The following CRISPLD2 variants were observed in gnomAD, a reference collection of about 807,000 sequenced individuals.
CRISPLD2 encodes cysteine rich secretory protein LCCL domain containing 2.
CRISPLD2 carries 47 observed loss-of-function variants against 71.1 expected under a neutral mutation model. The observed-to-expected ratio is 0.66, with a 90% confidence interval of 0.52 to 0.84. CRISPLD2 has a LOEUF of 0.84. Among genes scored for constraint, CRISPLD2 ranks in the 40% least tolerant of loss-of-function variants. CRISPLD2 has a pLI of 0.00. For synonymous variants in CRISPLD2, 317 were observed against 250.1 expected (o/e 1.27, Z -2.52); for missense variants, 830 against 651.1 (o/e 1.27, Z -2.99).
chr16:84,880,672 T>G (rs780223721), intron 13 of CRISPLD2, 88 bp downstream of exon 13: 2 of 870,124 alleles, frequency 2.3e-6, no homozygotes, highest in South Asian at 3.0e-5. Flanking sequence ...ACTTGAAACT[T>G]TATTCCAGTG....
intron 13 of CRISPLD2, among the ~76,000 whole-genome samples, chr16:84,882,465 C>T (rs1463179884): frequency 6.6e-6 from 1 of 151,584 alleles, no homozygotes; most frequent in African/African-American, 2.4e-5. Flanking sequence ...GGCTGGAGTG[C>T]AATTGCACGA....
intron 11 of CRISPLD2, among the ~76,000 whole-genome samples, chr16:84,877,145 C>G (rs564245729): frequency 2.6e-5 from 4 of 152,204 alleles, no homozygotes; most frequent in African/African-American, 9.6e-5. Flanking sequence ...TCAGGAAAAG[C>G]TTCCAAATAA....
chr16:84,849,816 C>T (rs1364120346), intron 4 of CRISPLD2, among the ~76,000 whole-genome samples: 1 of 151,496 alleles, frequency 6.6e-6, no homozygotes, highest in African/African-American at 2.4e-5. Context: ...CTCCTGGGCT[C>T]AAGCAATCCT....
Position 84,872,511 on chromosome 16 carries a change from G to A in CRISPLD2, c.981+3G>A, listed in dbSNP as rs781124473. 1.2e-6 allele frequency: 2 copies of A among 1,613,060 alleles called. No homozygotes were observed. Among genetic ancestry groups the A allele is most frequent in the Admixed American group, 3.3e-5 (2 of 59,956 alleles). On this transcript the variant is annotated splice_donor_region_variant and intron_variant, in intron 9 of 14. Transcript: ENST00000262424. ...TTGGAACTCTGTTCTATGAAAGCGT[G>A]AGTGTGGCCAGTCCTCCTCTCAATG... is the stretch of plus-strand genomic sequence containing the variant.
At chr16:84,889,095 T>C in intron 13 of CRISPLD2, 135 bp from the exon 14 acceptor site, 2 of 1,002,930 alleles carry the variant, frequency 2.0e-6, no homozygotes, top group Non-Finnish European at 3.0e-6. Flanking sequence ...AAGGTAGTGA[T>C]GATTATTTCC....
intron 1 of CRISPLD2, among the ~76,000 whole-genome samples, chr16:84,821,520 G>C (rs942212744): frequency 6.6e-6 from 1 of 152,208 alleles, no homozygotes; most frequent in African/African-American, 2.4e-5. Context: ...GCTTGCCTAA[G>C]ATCCCCCAGC....
At chr16:84,842,758 TGAAAG>T (rs1916809920) in intron 2 of CRISPLD2, among the ~76,000 whole-genome samples, 1 of 151,956 alleles carries the variant, frequency 6.6e-6, no homozygotes, top group South Asian at 2.1e-4. Context: ...TTATGAGAAA[TGAAAG>T]GAAAGGGGCC....
chr16:84,834,220 C>G (rs748923314), intron 1 of CRISPLD2, among the ~76,000 whole-genome samples: 4 of 152,192 alleles, frequency 2.6e-5, no homozygotes, highest in African/African-American at 9.7e-5. Context: ...CACACCACGA[C>G]GGGCGCAGGG....
intron 1 of CRISPLD2, chr16:84,836,356 G>C (rs1166482211): frequency 6.6e-6 from 1 of 152,104 alleles, no homozygotes; most frequent in Non-Finnish European, 1.5e-5. Context: ...GCTCATATAT[G>C]GTGGTGTGAC....
intron 4 of CRISPLD2, among the ~76,000 whole-genome samples, chr16:84,850,211 C>G (rs1280323068): frequency 6.6e-6 from 1 of 152,010 alleles, no homozygotes; most frequent in Non-Finnish European, 1.5e-5. Flanking sequence ...CTGCCTCAGC[C>G]TCCTGAGTAG....
At chr16:84,864,908 G>C (rs1344486089) in intron 6 of CRISPLD2, among the ~76,000 whole-genome samples, 1 of 152,148 alleles carries the variant, frequency 6.6e-6, no homozygotes, top group South Asian at 2.1e-4. Flanking sequence ...ACTTAAACCC[G>C]TCCCTTCCCC....
chr16:84,879,361 CTTTT>C (rs376471544), intron 12 of CRISPLD2, among the ~76,000 whole-genome samples: 1 of 83,340 alleles, frequency 1.2e-5, no homozygotes, highest in Non-Finnish European at 2.2e-5. Context: ...CTTTCCAATT[CTTTT>C]TTTTTTTTTT....
chr16:84,850,737 C>A, intron 5 of CRISPLD2, 54 bp downstream of exon 5: 1 of 1,377,106 alleles, frequency 7.3e-7, no homozygotes, highest in Non-Finnish European at 1.0e-6. Flanking sequence ...TGTTTGCTTG[C>A]CAGGGAGCAC....
chr16:84,851,688 C>T (rs1195497252), intron 5 of CRISPLD2, among the ~76,000 whole-genome samples: 1 of 152,174 alleles, frequency 6.6e-6, no homozygotes, highest in Non-Finnish European at 1.5e-5. Context: ...ACGCAGGCAC[C>T]ATGCAAGAGC....
intron 2 of CRISPLD2, among the ~76,000 whole-genome samples, chr16:84,843,829 T>C (rs1916839714): frequency 2.0e-5 from 3 of 152,226 alleles, no homozygotes; most frequent in South Asian, 4.1e-4. Flanking sequence ...TTCCTGGTTG[T>C]GTGACCTCAG....
chr16:84,840,018 C>CAG (rs1567682352), intron 2 of CRISPLD2: 1 of 133,872 alleles, frequency 7.5e-6, no homozygotes, highest in Non-Finnish European at 1.6e-5. Flanking sequence ...GACCCTGTCT[C>CAG]AAAAAAAAAA....
intron 1 of CRISPLD2, among the ~76,000 whole-genome samples, chr16:84,837,362 T>C (rs573496428): frequency 6.6e-6 from 1 of 152,010 alleles, no homozygotes; most frequent in South Asian, 2.1e-4. Flanking sequence ...CATCTCTGCT[T>C]ACCAGGAGGC....
At chr16:84,832,856 C>T (rs1916521233) in intron 1 of CRISPLD2, among the ~76,000 whole-genome samples, 1 of 152,264 alleles carries the variant, frequency 6.6e-6, no homozygotes, top group African/African-American at 2.4e-5. Context: ...CCCTCACTCA[C>T]TTCTGAGTGT....
At chr16:84,851,355 G>A (rs943104311) in intron 5 of CRISPLD2, among the ~76,000 whole-genome samples, 3 of 152,242 alleles carry the variant, frequency 2.0e-5, no homozygotes, top group African/African-American at 7.2e-5. Context: ...GGACAAATAT[G>A]TGCTGATTCT....
Sources: gnomAD v4.1 joint callset for allele counts (sites outside exome capture counted in the v4.1 genomes callset) on GRCh38, gnomAD v4.1.1 for gene constraint, MANE v1.5 for transcripts, NCBI Gene and HGNC (gene_info 2026-07-23, HGNC 2026-07-21) for gene names.